ARHGAP15: variants seen among roughly 807,000 people sequenced by gnomAD.
The protein encoded by ARHGAP15 is Rho GTPase activating protein 15.
Under a neutral mutation model 63.7 loss-of-function variants are expected in ARHGAP15, and 51 were observed. That is an observed-to-expected ratio of 0.80 (90% confidence interval 0.64 to 1.01). The LOEUF is 1.01. Among genes scored for constraint, ARHGAP15 ranks in the 50% least tolerant of loss-of-function variants. ARHGAP15 has a pLI of 0.00. For missense variants in ARHGAP15, 560 were observed against 564.6 expected, an observed-to-expected ratio of 0.99 and a Z score of 0.08; for synonymous variants, 191 against 193.8, an observed-to-expected ratio of 0.99 and a Z score of 0.12.
chr2:143,533,238 A>T (rs1694597780), intron 10 of ARHGAP15: 1 of 152,212 alleles, frequency 6.6e-6, no homozygotes, highest in South Asian at 2.1e-4. Context: ...AGATTTTTTT[A>T]ACAAATGTTG....
intron 12 of ARHGAP15, among the ~76,000 whole-genome samples, chr2:143,659,697 T>G (rs1370307769): frequency 2.0e-5 from 3 of 152,198 alleles, no homozygotes; most frequent in Non-Finnish European, 4.4e-5. Flanking sequence ...TAGGCAGGCA[T>G]GGGTTTATGT....
chr2:143,588,423 G>C (rs1559066917), intron 11 of ARHGAP15, among the ~76,000 whole-genome samples: 1 of 152,028 alleles, frequency 6.6e-6, no homozygotes, highest in Non-Finnish European at 1.5e-5. Context: ...TTGCTGCATA[G>C]GTATACATGT....
At chr2:143,686,389 A>G (rs1159452080) in intron 12 of ARHGAP15, among the ~76,000 whole-genome samples, 1 of 66,436 alleles carries the variant, frequency 1.5e-5, no homozygotes, top group South Asian at 3.6e-4. Context: ...GTCTCAAAAA[A>G]AAAAAAAAAA....
chr2:143,638,512 G>A (rs1402525298), intron 12 of ARHGAP15, among the ~76,000 whole-genome samples: 1 of 94,464 alleles, frequency 1.1e-5, no homozygotes, highest in Non-Finnish European at 2.0e-5. Context: ...GGGGTGGGGG[G>A]AGGGGGGAGG....
intron 9 of ARHGAP15, among the ~76,000 whole-genome samples, chr2:143,511,127 CT>C (rs1693566059): frequency 6.6e-6 from 1 of 152,120 alleles, no homozygotes; most frequent in African/African-American, 2.4e-5. Context: ...CCTGGTTATG[CT>C]GATGAACTAA....
intron 6 of ARHGAP15, among the ~76,000 whole-genome samples, chr2:143,432,897 A>G (rs1199260012): frequency 2.0e-5 from 3 of 152,036 alleles, no homozygotes; most frequent in African/African-American, 7.2e-5. Flanking sequence ...GCTCTTATCT[A>G]AACCTGTTAT....
intron 11 of ARHGAP15, among the ~76,000 whole-genome samples, chr2:143,595,996 G>A (rs186183768): frequency 1.3e-5 from 2 of 152,128 alleles, no homozygotes; most frequent in African/African-American, 4.8e-5. Flanking sequence ...TACAGTGAAG[G>A]TACCATCTTG....
At chr2:143,762,598 G>C (rs1055989450) in intron 13 of ARHGAP15, among the ~76,000 whole-genome samples, 1 of 152,080 alleles carries the variant, frequency 6.6e-6, no homozygotes, top group Admixed American at 6.6e-5. Context: ...AAAACACATA[G>C]AACAGCATTT....
intron 6 of ARHGAP15, among the ~76,000 whole-genome samples, chr2:143,434,122 T>C (rs1171530681): frequency 6.6e-6 from 1 of 152,148 alleles, no homozygotes; most frequent in Admixed American, 6.6e-5. Context: ...AAATCTTATA[T>C]GCAGTTTCAT....
intron 10 of ARHGAP15, among the ~76,000 whole-genome samples, chr2:143,541,885 C>A (rs1464141232): frequency 1.3e-5 from 2 of 152,186 alleles, no homozygotes; most frequent in African/African-American, 4.8e-5. Context: ...GCTGGGCGAA[C>A]CACTACTCTC....
In ARHGAP15 at chr2:143,260,844, C is replaced by T. The variant is rs184579354; in HGVS notation, c.474+10244C>T. ...CTTCTCTAGGAAGATGGCTCGATTC[C>T]CCATCCTTCCTCTGTTCTCCATTCT... is the stretch of plus-strand genomic sequence containing the variant. On this transcript the variant is annotated intron_variant, in intron 6 of 13. Transcript: ENST00000295095. Among the ~76,000 whole-genome samples the T allele has an allele frequency of 3.0e-4, 45 of 152,192 alleles. No homozygotes were observed. In the East Asian group the frequency reaches 4.8e-3, roughly 16 times the overall value.
chr2:143,605,788 C>T (rs529872237), intron 11 of ARHGAP15, among the ~76,000 whole-genome samples: 1 of 146,272 alleles, frequency 6.8e-6, no homozygotes, highest in African/African-American at 2.5e-5. Flanking sequence ...CAGAGGCAGG[C>T]GAATTGCCTG....
chr2:143,590,408 A>G (rs1697274551), intron 11 of ARHGAP15, among the ~76,000 whole-genome samples: 1 of 152,166 alleles, frequency 6.6e-6, no homozygotes, highest in South Asian at 2.1e-4. Context: ...ACTCACCACT[A>G]TATCCTCAAA....
chr2:143,661,157 T>G (rs1681748308), intron 12 of ARHGAP15, among the ~76,000 whole-genome samples: 1 of 152,180 alleles, frequency 6.6e-6, no homozygotes, highest in Admixed American at 6.5e-5. Context: ...TTTCTTTGCT[T>G]TTAAAGACCA....
chr2:143,485,185 A>G (rs1276158992), intron 8 of ARHGAP15, among the ~76,000 whole-genome samples: 2 of 152,140 alleles, frequency 1.3e-5, no homozygotes, highest in African/African-American at 2.4e-5. Flanking sequence ...TCAACCCGTC[A>G]TCTAGGTTTC....
At chr2:143,760,050 G>A (rs572151101) in intron 13 of ARHGAP15, among the ~76,000 whole-genome samples, 1 of 152,202 alleles carries the variant, frequency 6.6e-6, no homozygotes, top group Non-Finnish European at 1.5e-5. Flanking sequence ...TTCCCCACTA[G>A]ATTTTAAGCT....
chr2:143,440,849 A>G (rs1451665736), intron 8 of ARHGAP15, among the ~76,000 whole-genome samples: 1 of 152,122 alleles, frequency 6.6e-6, no homozygotes, highest in Non-Finnish European at 1.5e-5. Flanking sequence ...GAAAGTGGAG[A>G]GTCAATCAAA....
At chr2:143,387,428 A>C (rs1479207031) in intron 6 of ARHGAP15, among the ~76,000 whole-genome samples, 1 of 152,236 alleles carries the variant, frequency 6.6e-6, no homozygotes, top group Non-Finnish European at 1.5e-5. Context: ...CTTTAAAAAA[A>C]TAAAGATTAG....
Position 143,130,246 on chromosome 2 carries a change from G to C in ARHGAP15, c.-15+780G>C, listed in dbSNP as rs563330299. On this transcript the variant is annotated intron_variant, in intron 1 of 13. Coordinates refer to ENST00000295095, the MANE Select transcript of ARHGAP15 (RefSeq NM_018460.4). ...TAAACCTTAGAAATGAAAAGGATTT[G>C]TTAGTCCTAAACTGACATGTAATTT... Among the ~76,000 whole-genome samples the C allele has an allele frequency of 9.2e-5, 14 of 152,162 alleles. 1 individual carries two copies. In the South Asian group the frequency reaches 2.9e-3, roughly 31 times the overall value.
Sources: allele counts gnomAD v4.1 joint callset (sites outside exome capture counted in the v4.1 genomes callset), GRCh38; gene constraint gnomAD v4.1.1; transcripts MANE v1.5; gene names NCBI Gene and HGNC (gene_info 2026-07-23, HGNC 2026-07-21).